Variants in PRKN observed in about 807,000 individuals in gnomAD.
PRKN encodes the protein parkin RBR E3 ubiquitin protein ligase.
In PRKN, 56 loss-of-function variants were observed where a neutral mutation model predicts 59.5. The observed-to-expected ratio is 0.94, with a 90% CI of 0.76 to 1.18. The LOEUF (loss-of-function observed/expected upper bound fraction) is 1.18, where lower values mean the gene tolerates loss of function less well. Ranked by LOEUF, PRKN falls within the 50% of genes most tolerant of loss-of-function variation. The pLI is 0.00. For missense variants in PRKN, 657 were observed against 596.4 expected (o/e 1.10, Z -1.06); for synonymous variants, 250 against 222.1 (o/e 1.13, Z -1.12).
At chr6:162,698,418 C>T (rs1043719204) in intron 1 of PRKN, among the ~76,000 whole-genome samples, 4 of 151,848 alleles carry the variant, frequency 2.6e-5, no homozygotes, top group African/African-American at 7.3e-5. Flanking sequence ...TGGTTTGCTA[C>T]TTTTTCCTTT....
At chr6:161,639,106 ATGTTTGCTTTCCCTTCCGCCATAAG>A (rs1297151178) in intron 7 of PRKN, among the ~76,000 whole-genome samples, 1 of 152,100 alleles carries the variant, frequency 6.6e-6, no homozygotes, top group Non-Finnish European at 1.5e-5. Context: ...GAAGAAGGAC[ATGTTTGCTTTCCCTTCCGCCATAAG>A]TGTAAGTTTC....
chr6:162,694,002 C>G (rs572757002), intron 1 of PRKN, among the ~76,000 whole-genome samples: 31 of 152,084 alleles, frequency 2.0e-4, no homozygotes, highest in Non-Finnish European at 4.4e-4. Flanking sequence ...AATCCCAACA[C>G]TTTGGGAGGC....
chr6:161,493,063 G>T (rs1354924858), intron 9 of PRKN, among the ~76,000 whole-genome samples: 1 of 152,130 alleles, frequency 6.6e-6, no homozygotes, highest in East Asian at 1.9e-4. Flanking sequence ...TGCCACCAAA[G>T]ATAAAAATAA....
At chr6:161,478,564 G>A (rs1373127744) in intron 9 of PRKN, among the ~76,000 whole-genome samples, 1 of 152,218 alleles carries the variant, frequency 6.6e-6, no homozygotes, top group African/African-American at 2.4e-5. Flanking sequence ...GATGTGGCCA[G>A]CCAGGTGCAG....
rs62436045 is a variant in PRKN, at chr6:162,086,847, C to G, written c.535-32673G>C. Among the ~76,000 whole-genome samples the G allele has an allele frequency of 3.8e-3, 581 of 152,280 alleles. 5 individuals carry two copies. The highest frequency in any genetic ancestry group is 0.031 in the Middle Eastern group (9 of 294). On this transcript the variant is annotated intron_variant, in intron 4 of 11. Coordinates refer to ENST00000366898, the MANE Select transcript of PRKN (RefSeq NM_004562.3). ...CCTTGAGAGAACAGACCTTTTTTGT[C>G]TGAATTCCAGTGACTAGTCTACTGC... is the stretch of plus-strand genomic sequence containing the variant.
At chr6:161,780,287 G>A (rs757372933) in intron 7 of PRKN, among the ~76,000 whole-genome samples, 3 of 152,138 alleles carry the variant, frequency 2.0e-5, no homozygotes, top group Non-Finnish European at 4.4e-5. Flanking sequence ...ATGGTTCACT[G>A]GTTTATGGGG....
intron 1 of PRKN, among the ~76,000 whole-genome samples, chr6:162,512,258 T>C (rs1583699064): frequency 6.6e-6 from 1 of 152,208 alleles, no homozygotes. Flanking sequence ...TCTGCTAATA[T>C]GGTCATGGGA....
chr6:161,786,108 T>C (rs1309352064), intron 6 of PRKN, among the ~76,000 whole-genome samples, 200 bp from the exon 7 acceptor site: 5 of 152,232 alleles, frequency 3.3e-5, no homozygotes, highest in Non-Finnish European at 5.9e-5. Flanking sequence ...CATAGAAAAC[T>C]GATTCTCCTA....
At chr6:162,455,173 T>C (rs4709614) in intron 1 of PRKN, among the ~76,000 whole-genome samples, 96,083 of 151,974 alleles carry the variant, frequency 0.63, 31,650 homozygotes, top group African/African-American at 0.83. Flanking sequence ...GATGACGGTA[T>C]CTTATATCAC....
intron 7 of PRKN, among the ~76,000 whole-genome samples, chr6:161,738,906 A>T (rs1788075501): frequency 6.6e-6 from 1 of 152,232 alleles, no homozygotes; most frequent in Non-Finnish European, 1.5e-5. Context: ...AATTTCACTA[A>T]GTGTTAGAGA....
chr6:162,326,413 T>G (rs1054692114), intron 2 of PRKN, among the ~76,000 whole-genome samples: 24 of 152,144 alleles, frequency 1.6e-4, no homozygotes, highest in African/African-American at 5.8e-4. Flanking sequence ...TGAAAAAAAA[T>G]CAATGAATTT....
rs570830367 is a variant in PRKN at position 161,683,852 on chromosome 6, C to T, written c.871+101920G>A. On this transcript the variant is annotated intron_variant, in intron 7 of 11. Coordinates refer to ENST00000366898, the MANE Select transcript of PRKN (RefSeq NM_004562.3). ...TGGACAAAGAGCCACAGCAAAAACA[C>T]CAGCGAGAAGACAGCTGCCATGATT... Among the ~76,000 whole-genome samples the T allele has an allele frequency of 1.3e-4, 20 of 152,180 alleles. No homozygotes were observed. The South Asian group carries it at 4.2e-3, about 32-fold the overall frequency.
chr6:161,822,598 C>T (rs1271467151), intron 6 of PRKN, among the ~76,000 whole-genome samples: 1 of 152,136 alleles, frequency 6.6e-6, no homozygotes. Context: ...ATTGCTTGAA[C>T]CTTGGAGGCA....
chr6:162,496,536 C>T (rs1349422309), intron 1 of PRKN, among the ~76,000 whole-genome samples: 1 of 152,178 alleles, frequency 6.6e-6, no homozygotes, highest in Non-Finnish European at 1.5e-5. Context: ...GAAAAGTTGA[C>T]TCCTCAGTAG....
At chr6:161,366,835 G>C (rs1274714073) in intron 10 of PRKN, among the ~76,000 whole-genome samples, 1 of 151,966 alleles carries the variant, frequency 6.6e-6, no homozygotes, top group African/African-American at 2.4e-5. Context: ...AATTTGTTCT[G>C]ACCCCGAGGC....
intron 2 of PRKN, among the ~76,000 whole-genome samples, chr6:162,313,555 T>G (rs1477577466): frequency 3.9e-5 from 6 of 152,024 alleles, no homozygotes; most frequent in African/African-American, 1.4e-4. Flanking sequence ...TGGTGCGATC[T>G]TGGCTCACTG....
chr6:162,203,926 C>T (rs1784835234), intron 3 of PRKN, among the ~76,000 whole-genome samples: 1 of 152,098 alleles, frequency 6.6e-6, no homozygotes, highest in Admixed American at 6.6e-5. Flanking sequence ...AAAAATTGTA[C>T]AAATCACATC....
At chr6:161,867,234 C>CATCTTTCTACATGTTTTACA in intron 6 of PRKN, among the ~76,000 whole-genome samples, 1 of 152,098 alleles carries the variant, frequency 6.6e-6, no homozygotes, top group South Asian at 2.1e-4. Context: ...TTCTGTAAAA[C>CATCTTTCTACATGTTTTACA]ATGTAGAAAG....
intron 7 of PRKN, among the ~76,000 whole-genome samples, chr6:161,747,791 T>A (rs1245979903): frequency 6.6e-6 from 1 of 152,202 alleles, no homozygotes; most frequent in Non-Finnish European, 1.5e-5. Context: ...GGCTATTTAC[T>A]GAGCAGAGTA....
Sources: allele counts gnomAD v4.1 joint callset (sites outside exome capture counted in the v4.1 genomes callset), GRCh38; gene constraint gnomAD v4.1.1; transcripts MANE v1.5; gene names NCBI Gene and HGNC (gene_info 2026-07-23, HGNC 2026-07-21).